LRRC2: variants seen among roughly 807,000 people sequenced by gnomAD.
LRRC2 encodes the protein leucine rich repeat containing 2.
A neutral mutation model predicts 40.2 loss-of-function variants in LRRC2; 27 were observed. That is an observed-to-expected ratio of 0.67 (90% confidence interval 0.49 to 0.93). The LOEUF is 0.93. LRRC2 is among the 40% of genes least tolerant of loss of function. The probability of loss-of-function intolerance (pLI) is 0.00; values close to 1 mark genes in which losing one functional copy is unlikely to be tolerated. For synonymous variants in LRRC2, 147 were observed against 158.9 expected (o/e 0.92, Z 0.56); for missense variants, 402 against 439.6 (o/e 0.91, Z 0.76).
intron 4 of LRRC2, among the ~76,000 whole-genome samples, chr3:46,536,149 C>T (rs2107006616): frequency 6.6e-6 from 1 of 152,278 alleles, no homozygotes; most frequent in African/African-American, 2.4e-5. Context: ...AAATAGACAG[C>T]TACAACGTAG....
At position 46,517,478 on chromosome 3, in the gene LRRC2, C is replaced by T. The variant is rs1703885255; in HGVS notation, c.*1536G>A. 1 of 152,048 alleles carries T rather than the reference C, an allele frequency of 6.6e-6. No individual in the cohort carries two copies. Among genetic ancestry groups the T allele is most frequent in the African/African-American group, 2.4e-5 (1 of 41,374 alleles). 9.4% of individuals were successfully genotyped at this position (152,048 alleles called of 1,614,324 possible). On this transcript the variant is annotated 3_prime_UTR_variant, in exon 9 of 9. Transcript: ENST00000395905. ...TAGCTGGGACCACAGGCACATGCCA[C>T]CACACCTGGCTAATTTTTTGAATTT...
chr3:46,518,427 T>C lies in LRRC2; in HGVS notation c.*587A>G, dbSNP rs1703905145. The C allele has an allele frequency of 6.6e-6, 1 of 151,754 alleles. No individual in the cohort carries two copies. The highest frequency in any genetic ancestry group is 6.6e-5 in the Admixed American group (1 of 15,234). 9.4% of individuals were successfully genotyped at this position (151,754 alleles called of 1,614,324 possible). A position where few individuals can be genotyped will look rare whatever the true frequency, so the allele number is the denominator to read the frequency against. On this transcript the variant is annotated 3_prime_UTR_variant, in exon 9 of 9. Coordinates refer to ENST00000395905, the MANE Select transcript of LRRC2 (RefSeq NM_024512.5). ...CCCAGGCTGGAGTGCAGTCGCATGA[T>C]CTCGGCTCACTGCAACTCCACCTCC...
At chr3:46,541,675 A>G (rs528983688) in intron 3 of LRRC2, among the ~76,000 whole-genome samples, 3 of 152,326 alleles carry the variant, frequency 2.0e-5, no homozygotes. Context: ...TCGGCAGTAG[A>G]AGAGCCTGGT....
intron 8 of LRRC2, 106 bp downstream of exon 8, chr3:46,521,416 C>T: frequency 1.2e-6 from 1 of 818,356 alleles, no homozygotes; most frequent in Middle Eastern, 3.6e-4. Flanking sequence ...GTAACGTGCC[C>T]CTCAACCAAT....
intron 1 of LRRC2, among the ~76,000 whole-genome samples, chr3:46,560,085 G>A (rs1314517439): frequency 6.6e-6 from 1 of 152,150 alleles, no homozygotes; most frequent in Non-Finnish European, 1.5e-5. Flanking sequence ...CCAGCCCTTG[G>A]CATCCCATGT....
At chr3:46,525,322 C>G (rs1397437592) in intron 7 of LRRC2, among the ~76,000 whole-genome samples, 1 of 151,558 alleles carries the variant, frequency 6.6e-6, no homozygotes, top group Non-Finnish European at 1.5e-5. Context: ...GAAATCATGA[C>G]TCACTGTAAC....
intron 6 of LRRC2, among the ~76,000 whole-genome samples, chr3:46,529,187 G>A (rs1002691795): frequency 5.3e-5 from 8 of 151,902 alleles, no homozygotes; most frequent in East Asian, 1.9e-4. Flanking sequence ...AACCCATCCC[G>A]TTCTCTAGGC....
At chr3:46,525,613 C>A (rs1704046431) in intron 7 of LRRC2, among the ~76,000 whole-genome samples, 1 of 152,088 alleles carries the variant, frequency 6.6e-6, no homozygotes, top group Admixed American at 6.5e-5. Flanking sequence ...ATTATTATTA[C>A]TGTCCTTAGC....
chr3:46,533,775 T>TTTTCTTTCTTTCTTTTTCTTTGTTTC (rs1704207688), intron 4 of LRRC2, among the ~76,000 whole-genome samples: 1 of 92,928 alleles, frequency 1.1e-5, no homozygotes, highest in African/African-American at 3.3e-5. Flanking sequence ...CCTCCCTCTC[T>TTTTCTTTCTTTCTTTTTCTTTGTTTC]TTTCTTTCTT....
At chr3:46,562,731 C>CT (rs34694804) in intron 1 of LRRC2, among the ~76,000 whole-genome samples, 43,954 of 141,846 alleles carry the variant, frequency 0.31, 7,316 homozygotes, top group South Asian at 0.47. Flanking sequence ...GAAGTTACTT[C>CT]TTTTTTTTTT....
At chr3:46,554,456 C>T (rs142879422) in intron 1 of LRRC2, among the ~76,000 whole-genome samples, 431 of 151,992 alleles carry the variant, frequency 2.8e-3, no homozygotes, top group African/African-American at 0.01. Context: ...CCACCCTGGC[C>T]AATATGGTGA....
At chr3:46,554,215 C>A (rs1228333570) in intron 1 of LRRC2, among the ~76,000 whole-genome samples, 4 of 152,012 alleles carry the variant, frequency 2.6e-5, no homozygotes, top group Non-Finnish European at 5.9e-5. Flanking sequence ...AGATGGTGGT[C>A]CCACTATGTT....
chr3:46,545,965 A>G (rs1704516670), intron 2 of LRRC2, among the ~76,000 whole-genome samples: 1 of 152,192 alleles, frequency 6.6e-6, no homozygotes, highest in Non-Finnish European at 1.5e-5. Flanking sequence ...TATGTGATGC[A>G]AAACAAGATG....
intron 8 of LRRC2, among the ~76,000 whole-genome samples, 174 bp from the exon 9 acceptor site, chr3:46,519,237 AAG>A (rs1169152255): frequency 4.9e-5 from 7 of 144,278 alleles, no homozygotes; most frequent in Non-Finnish European, 9.3e-5. Flanking sequence ...ACCATTAAGT[AAG>A]TCATCACAAA....
rs34694804 is a variant in LRRC2, at chr3:46,562,731, CT to C, written c.-20+3445del. On this transcript the variant is annotated intron_variant, in intron 1 of 8. Coordinates refer to ENST00000395905, the MANE Select transcript of LRRC2 (RefSeq NM_024512.5). Reference sequence around the variant, plus strand: ...AATCTAGAAGATCTAGAAGTTACTTCTTTTTTTTTTTTTTTGAGATGAAGTC... The same window carrying C: ...AATCTAGAAGATCTAGAAGTTACTTCTTTTTTTTTTTTTTGAGATGAAGTC... 3.3e-3 allele frequency among the ~76,000 whole-genome samples: 463 copies of C among 141,814 alleles called. 1 individual carries two copies. The highest frequency in any genetic ancestry group is 7.0e-3 in the African/African-American group (269 of 38,612). 93.0% of individuals were successfully genotyped at this position (141,814 alleles called of 152,430 possible).
chr3:46,536,922 A>G (rs2107008081), intron 4 of LRRC2, among the ~76,000 whole-genome samples: 1 of 152,220 alleles, frequency 6.6e-6, no homozygotes, highest in East Asian at 1.9e-4. Context: ...ATGACATTTC[A>G]GACAACTGTG....
intron 1 of LRRC2, among the ~76,000 whole-genome samples, chr3:46,554,905 T>C (rs1362184929): frequency 2.6e-5 from 4 of 152,328 alleles, no homozygotes; most frequent in African/African-American, 9.6e-5. Context: ...CCAACACTTG[T>C]TATTAACTGT....
At chr3:46,540,675 A>C (rs927958663) in intron 3 of LRRC2, among the ~76,000 whole-genome samples, 1 of 152,226 alleles carries the variant, frequency 6.6e-6, no homozygotes, top group Non-Finnish European at 1.5e-5. Context: ...GCACCTTGTT[A>C]AAAATTAAGA....
At chr3:46,562,215 C>T (rs1481421654) in intron 1 of LRRC2, among the ~76,000 whole-genome samples, 1 of 152,118 alleles carries the variant, frequency 6.6e-6, no homozygotes, top group Non-Finnish European at 1.5e-5. Flanking sequence ...CATGATGATG[C>T]TCAAGCAGCC....
Sources: allele counts gnomAD v4.1 joint callset (sites outside exome capture counted in the v4.1 genomes callset), GRCh38; gene constraint gnomAD v4.1.1; transcripts MANE v1.5; gene names NCBI Gene and HGNC (gene_info 2026-07-23, HGNC 2026-07-21).